Variants in KCNT2 observed in about 807,000 individuals in gnomAD.
KCNT2 encodes the protein potassium channel subfamily T member 2.
Under a neutral mutation model 153.8 loss-of-function variants are expected in KCNT2, and 67 were observed. The observed-to-expected ratio is 0.44, with a 90% confidence interval of 0.36 to 0.53. The LOEUF is 0.53. Among genes scored for constraint, KCNT2 ranks in the 20% least tolerant of loss-of-function variants. The pLI, the probability that KCNT2 is intolerant of heterozygous loss-of-function variation, is 0.00. For missense variants in KCNT2, 975 were observed against 1,354.8 expected (o/e 0.72, Z 4.40); for synonymous variants, 500 against 458.8 (o/e 1.09, Z -1.15).
chr1:196,575,581 A>G (rs1487910246), intron 1 of KCNT2, among the ~76,000 whole-genome samples: 6 of 150,802 alleles, frequency 4.0e-5, no homozygotes, highest in Admixed American at 6.6e-5. Context: ...GAGAGATCTA[A>G]CATATATTTA....
chr1:196,264,350 T>C (rs1220318913), intron 25 of KCNT2, among the ~76,000 whole-genome samples: 1 of 152,152 alleles, frequency 6.6e-6, no homozygotes, highest in Non-Finnish European at 1.5e-5. Context: ...AATTCATAAA[T>C]GGGAGGATGA....
chr1:196,415,359 C>T (rs1672669272), intron 12 of KCNT2, among the ~76,000 whole-genome samples: 1 of 151,814 alleles, frequency 6.6e-6, no homozygotes, highest in South Asian at 2.1e-4. Context: ...GCATCAGCAA[C>T]TATGCCAGAT....
At chr1:196,498,296 C>T (rs574962024) in intron 1 of KCNT2, among the ~76,000 whole-genome samples, 3 of 152,166 alleles carry the variant, frequency 2.0e-5, no homozygotes, top group South Asian at 2.1e-4. Context: ...TTTTCTAGTG[C>T]CAGTGCCTTG....
intron 12 of KCNT2, 80 bp downstream of exon 12, chr1:196,422,970 C>T (rs927708331): frequency 5.8e-5 from 50 of 865,932 alleles, no homozygotes; most frequent in South Asian, 4.4e-4. Flanking sequence ...TTAATGCTGG[C>T]GAATTTTTAA....
intron 6 of KCNT2, among the ~76,000 whole-genome samples, chr1:196,468,253 A>G (rs902874584): frequency 2.0e-5 from 3 of 152,104 alleles, no homozygotes; most frequent in Non-Finnish European, 4.4e-5. Flanking sequence ...CTGTCATTTA[A>G]TCTAGTTCCA....
chr1:196,391,692 T>A (rs1670509663), intron 13 of KCNT2, among the ~76,000 whole-genome samples: 1 of 151,388 alleles, frequency 6.6e-6, no homozygotes, highest in Non-Finnish European at 1.5e-5. Flanking sequence ...AATATTTAAA[T>A]TTTTAAATTT....
chr1:196,405,624 C>G (rs1671766305), intron 12 of KCNT2, among the ~76,000 whole-genome samples: 1 of 151,120 alleles, frequency 6.6e-6, no homozygotes, highest in African/African-American at 2.4e-5. Context: ...TTTTATTAGA[C>G]TCTCAAACAG....
intron 14 of KCNT2, among the ~76,000 whole-genome samples, chr1:196,357,931 G>A (rs547349042): frequency 1.3e-5 from 2 of 151,866 alleles, no homozygotes; most frequent in South Asian, 4.1e-4. Flanking sequence ...TTCCTTTTCA[G>A]AAAATTTTCT....
intron 23 of KCNT2, among the ~76,000 whole-genome samples, chr1:196,284,698 T>C (rs890916038): frequency 6.6e-6 from 1 of 152,032 alleles, no homozygotes; most frequent in Non-Finnish European, 1.5e-5. Flanking sequence ...TCTGGAAACT[T>C]TAGGGATAAT....
At chr1:196,261,355 A>T (rs1657010041) in intron 25 of KCNT2, among the ~76,000 whole-genome samples, 1 of 151,926 alleles carries the variant, frequency 6.6e-6, no homozygotes, top group Non-Finnish European at 1.5e-5. Flanking sequence ...TCTCTAAAAA[A>T]TTGTCATTCT....
intron 26 of KCNT2, among the ~76,000 whole-genome samples, chr1:196,248,883 T>C (rs534506441): frequency 1.3e-4 from 20 of 152,314 alleles, no homozygotes; most frequent in African/African-American, 4.6e-4. Flanking sequence ...CCAATATCTC[T>C]GATGAACATT....
chr1:196,558,423 GT>G (rs5779838), intron 1 of KCNT2, among the ~76,000 whole-genome samples: 2,187 of 150,456 alleles, frequency 0.015, 55 homozygotes, highest in African/African-American at 0.05. Flanking sequence ...TTCTTTTGTT[GT>G]TTTTGTTAAT....
intron 25 of KCNT2, among the ~76,000 whole-genome samples, chr1:196,267,911 G>A (rs1344534711): frequency 6.6e-6 from 1 of 152,144 alleles, no homozygotes; most frequent in Non-Finnish European, 1.5e-5. Context: ...ACTTGAGCAT[G>A]TCACTCCTAT....
chr1:196,587,899 C>T (rs1018745401), intron 1 of KCNT2, among the ~76,000 whole-genome samples: 1 of 152,036 alleles, frequency 6.6e-6, no homozygotes, highest in Non-Finnish European at 1.5e-5. Context: ...TGCTCCACTG[C>T]TCCCAAATAT....
chr1:196,265,754 T>C (rs896915287), intron 25 of KCNT2, among the ~76,000 whole-genome samples: 1 of 152,196 alleles, frequency 6.6e-6, no homozygotes, highest in Non-Finnish European at 1.5e-5. Context: ...TGTTGCTGTC[T>C]ATGCCTCCAT....
intron 18 of KCNT2, among the ~76,000 whole-genome samples, chr1:196,327,508 G>A (rs1008269228): frequency 6.6e-6 from 1 of 152,000 alleles, no homozygotes. Context: ...CAGAATTAGC[G>A]TTGTTAACCC....
intron 1 of KCNT2, among the ~76,000 whole-genome samples, chr1:196,532,521 T>G (rs924459050): frequency 6.6e-6 from 1 of 151,978 alleles, no homozygotes; most frequent in African/African-American, 2.4e-5. Flanking sequence ...CTTGAGATTA[T>G]GTGTTTCTTA....
At chr1:196,472,907 C>T (rs1293656598) in intron 5 of KCNT2, among the ~76,000 whole-genome samples, 1 of 152,130 alleles carries the variant, frequency 6.6e-6, no homozygotes, top group Non-Finnish European at 1.5e-5. Context: ...CAATCCCCTG[C>T]ACCTTTACGC....
Position 196,484,764 on chromosome 1 carries a change from A to G in KCNT2, c.276-2385T>C, listed in dbSNP as rs1195587032. 4.6e-5 allele frequency among the ~76,000 whole-genome samples: 7 copies of G among 152,068 alleles called. No individual in the cohort carries two copies. The East Asian group carries it at 1.4e-3, about 29-fold the overall frequency. ...CATATGGCTAGCCAGTTTTCCCAGC[A>G]CCATTTATTGAATAGGAGATCCTTT... On this transcript the variant is annotated intron_variant, in intron 3 of 27. Transcript: ENST00000294725.
Sources: allele counts gnomAD v4.1 joint callset (sites outside exome capture counted in the v4.1 genomes callset), GRCh38; gene constraint gnomAD v4.1.1; transcripts MANE v1.5; gene names NCBI Gene and HGNC (gene_info 2026-07-23, HGNC 2026-07-21).